ZEB1: variants seen among roughly 807,000 people sequenced by gnomAD.
ZEB1 encodes the protein zinc finger E-box-binding homeobox 1.
ZEB1 carries 21 observed loss-of-function variants against 84.9 expected under a neutral mutation model. That is an observed-to-expected ratio of 0.25 (90% CI 0.18 to 0.36). The LOEUF is 0.36. ZEB1 is among the 10% of genes least tolerant of loss of function. The pLI, the probability that ZEB1 is intolerant of heterozygous loss-of-function variation, is 1.00. For synonymous variants in ZEB1, 420 were observed against 471.1 expected, an observed-to-expected ratio of 0.89 and a Z score of 1.41; for missense variants, 1,104 against 1,330.2, an observed-to-expected ratio of 0.83 and a Z score of 2.65.
In ZEB1 at chr10:31,464,375, G is replaced by A. The variant is rs922355637; in HGVS notation, c.259+3138G>A. On this transcript the variant is annotated intron_variant, in intron 2 of 8. Coordinates refer to ENST00000424869, the MANE Select transcript of ZEB1 (RefSeq NM_001174096.2). ...CTCAGAAAAAAAAGAAAAAAGAAAA[G>A]ATATGAAAAACAGGTTAAGATACAT... 2.0e-5 allele frequency among the ~76,000 whole-genome samples: 3 copies of A among 151,814 alleles called. No individual in the cohort carries two copies. The South Asian group carries it at 6.2e-4, about 32-fold the overall frequency.
At chr10:31,365,097 T>C (rs975681080) in intron 1 of ZEB1, among the ~76,000 whole-genome samples, 3 of 152,242 alleles carry the variant, frequency 2.0e-5, no homozygotes, top group African/African-American at 7.2e-5. Context: ...AGATCAGCTT[T>C]GGTCTGTCCT....
At chr10:31,393,638 C>T (rs1264048609) in intron 1 of ZEB1, among the ~76,000 whole-genome samples, 3 of 152,160 alleles carry the variant, frequency 2.0e-5, no homozygotes, top group African/African-American at 2.4e-5. Flanking sequence ...TCCTGGTTTT[C>T]GTGACATTAA....
chr10:31,319,308 G>A lies in ZEB1; in HGVS notation c.58+16G>A, dbSNP rs776304903. On this transcript the variant is annotated intron_variant, in intron 1 of 8. Coordinates refer to ENST00000424869, the MANE Select transcript of ZEB1 (RefSeq NM_001174096.2). The stretch of plus-strand genomic sequence containing the variant: ...CGCAATAACGGTGAGTGGCGGAGGG[G>A]ACCGGGGAGCGGCGGAGTCAGGGGG... 1 of 1,604,550 alleles carries A rather than the reference G, an allele frequency of 6.2e-7. No homozygotes were observed. The highest frequency in any genetic ancestry group is 8.5e-7 in the Non-Finnish European group (1 of 1,176,636).
At chr10:31,459,523 A>G (rs2061590108) in intron 1 of ZEB1, among the ~76,000 whole-genome samples, 1 of 152,078 alleles carries the variant, frequency 6.6e-6, no homozygotes, top group South Asian at 2.1e-4. Context: ...CATGTTTTGC[A>G]TTGACTGATT....
chr10:31,439,789 C>T (rs1188523093), intron 1 of ZEB1, among the ~76,000 whole-genome samples: 1 of 151,982 alleles, frequency 6.6e-6, no homozygotes, highest in Admixed American at 6.6e-5. Context: ...GCCAGTATAC[C>T]TGGAATGCAG....
intron 1 of ZEB1, among the ~76,000 whole-genome samples, chr10:31,372,837 G>T (rs2045952180): frequency 6.6e-6 from 1 of 151,908 alleles, no homozygotes; most frequent in Non-Finnish European, 1.5e-5. Flanking sequence ...TTTCTTAAAA[G>T]CGTTTTCAGA....
At chr10:31,376,768 GAGTATCT>G (rs2046701546) in intron 1 of ZEB1, among the ~76,000 whole-genome samples, 1 of 151,592 alleles carries the variant, frequency 6.6e-6, no homozygotes, top group South Asian at 2.1e-4. Flanking sequence ...AATGCTAGAA[GAGTATCT>G]AGCATATGGA....
At chr10:31,375,717 G>T (rs1048076337) in intron 1 of ZEB1, among the ~76,000 whole-genome samples, 1 of 151,720 alleles carries the variant, frequency 6.6e-6, no homozygotes, top group Non-Finnish European at 1.5e-5. Flanking sequence ...GAAATGAGTT[G>T]CGAATTACAG....
chr10:31,454,649 C>A (rs1299035717), intron 1 of ZEB1, among the ~76,000 whole-genome samples: 1 of 152,144 alleles, frequency 6.6e-6, no homozygotes, highest in African/African-American at 2.4e-5. Flanking sequence ...CATGAGTGAA[C>A]TCCCATTCAC....
At chr10:31,330,057 T>C (rs915896065) in intron 1 of ZEB1, among the ~76,000 whole-genome samples, 2 of 152,154 alleles carry the variant, frequency 1.3e-5, no homozygotes, top group African/African-American at 4.8e-5. Context: ...TGGAGTTTAA[T>C]TCATAATTTT....
rs762043318 is a variant in ZEB1 at position 31,527,076 on chromosome 10, G to A, written c.3190G>A (p.Glu1064Lys). 1 of 1,588,610 alleles carries A rather than the reference G, an allele frequency of 6.3e-7. No homozygotes were observed. Among genetic ancestry groups the A allele is most frequent in the South Asian group, 1.1e-5 (1 of 88,140 alleles). Residue 1064 changes from glutamate (E) to lysine (K), a missense_variant, in exon 9 of 9, where the codon GAG becomes AAG. Transcript: ENST00000424869. The stretch of plus-strand genomic sequence containing the variant: ...AGAATGTGAAAAACCACAAGGGGAT[G>A]AGGAAGAGGAGGAGGAGGAGGAAGA... ...EKECEKPQGD[E>K]EEEEEEEEVE... is the part of the protein sequence containing the mutation.
chr10:31,491,477 G>C (rs565929107), intron 2 of ZEB1, among the ~76,000 whole-genome samples: 1 of 151,886 alleles, frequency 6.6e-6, no homozygotes, highest in East Asian at 1.9e-4. Context: ...AAACTATAAG[G>C]ATTCTCCTAG....
At chr10:31,420,590 T>C (rs1220852123) in intron 1 of ZEB1, among the ~76,000 whole-genome samples, 10 of 152,166 alleles carry the variant, frequency 6.6e-5, no homozygotes, top group Non-Finnish European at 1.5e-4. Context: ...GATAATCTCC[T>C]TTGATAAACA....
chr10:31,449,514 C>A (rs2060269968), intron 1 of ZEB1, among the ~76,000 whole-genome samples: 1 of 152,072 alleles, frequency 6.6e-6, no homozygotes. Context: ...GTGTGGGTTT[C>A]ATTTTGGTGA....
intron 4 of ZEB1, among the ~76,000 whole-genome samples, chr10:31,510,088 C>A (rs1246012129): frequency 1.3e-5 from 2 of 152,138 alleles, no homozygotes; most frequent in African/African-American, 2.4e-5. Flanking sequence ...TCCTTCCCCA[C>A]CTTACACACT....
chr10:31,383,096 A>G (rs867199927), intron 1 of ZEB1, among the ~76,000 whole-genome samples: 1 of 151,806 alleles, frequency 6.6e-6, no homozygotes, highest in Non-Finnish European at 1.5e-5. Flanking sequence ...TTTTACATAT[A>G]TATATATATA....
intron 2 of ZEB1, 48 bp downstream of exon 2, chr10:31,461,285 T>C (rs2061784725): frequency 2.0e-6 from 3 of 1,512,090 alleles, no homozygotes; most frequent in Non-Finnish European, 2.7e-6. Flanking sequence ...GATTCGTTTT[T>C]TAAAATATAT....
intron 7 of ZEB1, among the ~76,000 whole-genome samples, chr10:31,522,994 C>T (rs187782646): frequency 3.5e-4 from 53 of 152,328 alleles, no homozygotes; most frequent in African/African-American, 1.2e-3. Context: ...ACTCACGTGT[C>T]ACGTGACTAG....
chr10:31,502,597 G>C (rs919620103), intron 4 of ZEB1, 88 bp downstream of exon 4: 1 of 1,570,578 alleles, frequency 6.4e-7, no homozygotes, highest in Non-Finnish European at 8.8e-7. Flanking sequence ...CTCTACTATA[G>C]GGAACATTCT....
Sources: allele counts gnomAD v4.1 joint callset (sites outside exome capture counted in the v4.1 genomes callset), GRCh38; gene constraint gnomAD v4.1.1; transcripts MANE v1.5; gene names NCBI Gene and HGNC (gene_info 2026-07-23, HGNC 2026-07-21).